Variants in DYM observed in about 807,000 individuals in gnomAD.
DYM encodes dyggve-Melchior-Clausen syndrome protein.
In DYM, 78 loss-of-function variants were observed where a neutral mutation model predicts 93.1. That is an observed-to-expected ratio of 0.84 (90% CI 0.70 to 1.01). The LOEUF (loss-of-function observed/expected upper bound fraction) is 1.01, where lower values mean the gene tolerates loss of function less well. Among genes scored for constraint, DYM ranks in the 50% least tolerant of loss-of-function variants. The pLI is 0.00. For synonymous variants in DYM, 321 were observed against 319.7 expected, an observed-to-expected ratio of 1.00 and a Z score of -0.04; for missense variants, 789 against 845.0, an observed-to-expected ratio of 0.93 and a Z score of 0.82.
chr18:49,242,303 A>G (rs575081530), intron 13 of DYM, among the ~76,000 whole-genome samples: 140 of 152,296 alleles, frequency 9.2e-4, no homozygotes, highest in African/African-American at 3.2e-3. Flanking sequence ...AGTCCCAGCT[A>G]CTTGGGAGGC....
At chr18:49,054,508 G>A (rs2075303904) in intron 17 of DYM, among the ~76,000 whole-genome samples, 1 of 152,200 alleles carries the variant, frequency 6.6e-6, no homozygotes, top group African/African-American at 2.4e-5. Flanking sequence ...CTCCCAAAGT[G>A]CAGGAATTAC....
At chr18:49,431,274 T>C (rs2080296806) in intron 1 of DYM, among the ~76,000 whole-genome samples, 1 of 152,248 alleles carries the variant, frequency 6.6e-6, no homozygotes, top group Admixed American at 6.5e-5. Context: ...GTAGGGCACA[T>C]ATGCAGTTTT....
chr18:49,299,457 T>G (rs537985089), intron 8 of DYM, among the ~76,000 whole-genome samples: 15 of 152,236 alleles, frequency 9.9e-5, no homozygotes, highest in African/African-American at 3.6e-4. Context: ...CACCAGAGAC[T>G]CCTTCTTCAA....
At chr18:49,079,006 T>C (rs571935135) in intron 17 of DYM, among the ~76,000 whole-genome samples, 1 of 152,376 alleles carries the variant, frequency 6.6e-6, no homozygotes. Flanking sequence ...TCTTGGTTTT[T>C]GTCATTGGCT....
intron 14 of DYM, chr18:49,206,586 A>G (rs1272370378): frequency 6.6e-6 from 1 of 152,234 alleles, no homozygotes; most frequent in African/African-American, 2.4e-5. Context: ...CCTTTTATGC[A>G]AATCTATTCA....
At chr18:49,185,660 AT>A (rs756242835) in intron 14 of DYM, among the ~76,000 whole-genome samples, 1 of 152,246 alleles carries the variant, frequency 6.6e-6, no homozygotes, top group African/African-American at 2.4e-5. Flanking sequence ...GTAGAAAAAA[AT>A]AATAGCCACA....
chr18:49,289,903 T>C (rs1672912763), intron 8 of DYM, among the ~76,000 whole-genome samples: 3 of 150,802 alleles, frequency 2.0e-5, no homozygotes, highest in Middle Eastern at 3.4e-3. Flanking sequence ...CCCATGAGAC[T>C]AGAACATTTT....
At chr18:49,069,475 C>T (rs1269064214) in intron 17 of DYM, among the ~76,000 whole-genome samples, 1 of 152,132 alleles carries the variant, frequency 6.6e-6, no homozygotes, top group Non-Finnish European at 1.5e-5. Flanking sequence ...TCATGACTGC[C>T]ACAGACTCAC....
chr18:49,438,495 T>C (rs2081052325), intron 1 of DYM, among the ~76,000 whole-genome samples: 1 of 152,000 alleles, frequency 6.6e-6, no homozygotes. Flanking sequence ...GGAAATAGCA[T>C]CCCAGAGCAG....
At chr18:49,048,499 A>G (rs1007115063) in intron 17 of DYM, 1 of 152,260 alleles carries the variant, frequency 6.6e-6, no homozygotes, top group Non-Finnish European at 1.5e-5. Flanking sequence ...AGTGACTTAC[A>G]TGGGGGTTTT....
At chr18:49,437,387 A>C (rs2080951897) in intron 1 of DYM, among the ~76,000 whole-genome samples, 1 of 152,150 alleles carries the variant, frequency 6.6e-6, no homozygotes, top group South Asian at 2.1e-4. Flanking sequence ...GTAACATTCC[A>C]TTTTATAATT....
chr18:49,242,269 C>T (rs1397602697), intron 13 of DYM, among the ~76,000 whole-genome samples: 1 of 152,148 alleles, frequency 6.6e-6, no homozygotes, highest in African/African-American at 2.4e-5. Flanking sequence ...AAAAAATTAG[C>T]TGAGCATGGT....
At chr18:49,233,194 CTACTAAAAA>C (rs1393886959) in intron 13 of DYM, among the ~76,000 whole-genome samples, 1 of 151,792 alleles carries the variant, frequency 6.6e-6, no homozygotes, top group Non-Finnish European at 1.5e-5. Flanking sequence ...AACCCCATCT[CTACTAAAAA>C]TACTAAAATT....
chr18:49,271,128 G>A (rs965798056), intron 11 of DYM, among the ~76,000 whole-genome samples: 2 of 152,102 alleles, frequency 1.3e-5, no homozygotes, highest in African/African-American at 4.8e-5. Flanking sequence ...GGAAAGACAG[G>A]AGTCCAAAAA....
chr18:49,227,860 T>G (rs2093584070), intron 13 of DYM, among the ~76,000 whole-genome samples: 1 of 151,928 alleles, frequency 6.6e-6, no homozygotes, highest in Non-Finnish European at 1.5e-5. Flanking sequence ...TCTTTGCACC[T>G]GCTGCTGACT....
chr18:49,428,456 A>G (rs1229152249), intron 2 of DYM, among the ~76,000 whole-genome samples: 3 of 152,084 alleles, frequency 2.0e-5, no homozygotes, highest in Admixed American at 1.3e-4. Flanking sequence ...AGGCTGAGGA[A>G]GGTGAATCAC....
intron 1 of DYM, among the ~76,000 whole-genome samples, chr18:49,443,768 A>G (rs79130436): frequency 0.091 from 13,876 of 152,180 alleles, 851 homozygotes; most frequent in East Asian, 0.31. Flanking sequence ...TAGGGCTGCA[A>G]CCGAAGTAAA....
chr18:49,427,478 CTTTAAT>C (rs915822940), intron 2 of DYM, among the ~76,000 whole-genome samples: 14 of 151,984 alleles, frequency 9.2e-5, no homozygotes, highest in African/African-American at 3.4e-4. Context: ...ATTAAAACAA[CTTTAAT>C]TTAAATTTAA....
intron 13 of DYM, among the ~76,000 whole-genome samples, chr18:49,216,972 T>C (rs1013677444): frequency 6.6e-6 from 1 of 152,064 alleles, no homozygotes; most frequent in Non-Finnish European, 1.5e-5. Context: ...CAGGAGGAAA[T>C]TCAAACCGAA....
Sources: allele counts gnomAD v4.1 joint callset (sites outside exome capture counted in the v4.1 genomes callset), GRCh38; gene constraint gnomAD v4.1.1; transcripts MANE v1.5; gene names NCBI Gene and HGNC (gene_info 2026-07-23, HGNC 2026-07-21).